The following WDR70 variants were observed in gnomAD, a reference collection of about 807,000 sequenced individuals.
WDR70 encodes WD repeat domain 70, also known as WD repeat-containing protein 70.
A neutral mutation model predicts 88.6 loss-of-function variants in WDR70; 53 were observed. That is an observed-to-expected ratio of 0.60 (90% CI 0.48 to 0.75). WDR70 has a LOEUF of 0.75. Among genes scored for constraint, WDR70 ranks in the 30% least tolerant of loss-of-function variants. WDR70 has a pLI of 0.00. For missense variants in WDR70, 610 were observed against 823.2 expected (o/e 0.74, Z 3.17); for synonymous variants, 280 against 270.0 (o/e 1.04, Z -0.36).
intron 7 of WDR70, among the ~76,000 whole-genome samples, chr5:37,454,367 T>G (rs1243043675): frequency 2.3e-4 from 35 of 152,210 alleles, no homozygotes; most frequent in Admixed American, 2.3e-3. Flanking sequence ...ATAGTGAGTT[T>G]TATTGCATCT....
intron 9 of WDR70, among the ~76,000 whole-genome samples, chr5:37,574,125 C>T (rs980399289): frequency 1.3e-5 from 2 of 152,170 alleles, no homozygotes; most frequent in Non-Finnish European, 2.9e-5. Context: ...GACCATAATG[C>T]AGATCTAACA....
At position 37,558,827 on chromosome 5, in the gene WDR70, C is replaced by T. The variant is rs1273761484; in HGVS notation, c.917+42237C>T. ...AGTTAGTAAGCCTAGTTTTGTTGTC[C>T]TTTTCTTACTTATTCCCATCCTTAC... is the stretch of plus-strand genomic sequence containing the variant. On this transcript the variant is annotated intron_variant, in intron 9 of 17. Transcript: ENST00000265107. Among the ~76,000 whole-genome samples, 5 of 151,978 alleles carry T rather than the reference C, an allele frequency of 3.3e-5. No individual in the cohort carries two copies. The East Asian group carries it at 9.6e-4, about 29-fold the overall frequency.
intron 10 of WDR70, among the ~76,000 whole-genome samples, chr5:37,616,327 C>T (rs1484443934): frequency 2.6e-5 from 4 of 152,042 alleles, no homozygotes; most frequent in African/African-American, 7.2e-5. Context: ...AGGCTGGTCT[C>T]GAACTCCTGA....
At chr5:37,666,486 C>T (rs890213394) in intron 10 of WDR70, among the ~76,000 whole-genome samples, 1 of 152,164 alleles carries the variant, frequency 6.6e-6, no homozygotes, top group East Asian at 1.9e-4. Context: ...TAGCTATGGC[C>T]TGAGATTGGG....
chr5:37,646,713 T>G (rs549513649), intron 10 of WDR70, among the ~76,000 whole-genome samples: 1 of 152,312 alleles, frequency 6.6e-6, no homozygotes, highest in South Asian at 2.1e-4. Context: ...GAGTTTCCAC[T>G]GAAAAGTCTG....
chr5:37,621,208 A>T (rs1744496243), intron 10 of WDR70, among the ~76,000 whole-genome samples: 1 of 152,110 alleles, frequency 6.6e-6, no homozygotes, highest in African/African-American at 2.4e-5. Flanking sequence ...AAATTCACTT[A>T]TTTGCATACT....
At chr5:37,688,622 G>A (rs929264653) in intron 10 of WDR70, among the ~76,000 whole-genome samples, 2 of 151,304 alleles carry the variant, frequency 1.3e-5, no homozygotes, top group Non-Finnish European at 2.9e-5. Context: ...TATTGAGGTT[G>A]GTAGCAGAGT....
intron 10 of WDR70, among the ~76,000 whole-genome samples, chr5:37,641,598 G>A (rs1013742690): frequency 2.0e-5 from 3 of 151,576 alleles, no homozygotes; most frequent in African/African-American, 7.3e-5. Context: ...TGTATTTTTA[G>A]TAGAGATGGG....
chr5:37,731,337 A>C (rs1381283455), intron 17 of WDR70, among the ~76,000 whole-genome samples: 1 of 152,188 alleles, frequency 6.6e-6, no homozygotes, highest in Non-Finnish European at 1.5e-5. Context: ...TGTAATGTCA[A>C]TGTGGTTGTT....
chr5:37,751,082 T>C (rs1247343867), intron 17 of WDR70, among the ~76,000 whole-genome samples: 1 of 152,202 alleles, frequency 6.6e-6, no homozygotes, highest in African/African-American at 2.4e-5. Flanking sequence ...TTTTTCCCCC[T>C]GAGAAGTTAA....
In WDR70 at chr5:37,638,765, G is replaced by T. The variant is rs888933361; in HGVS notation, c.1092+33527G>T. On this transcript the variant is annotated intron_variant, in intron 10 of 17. Transcript: ENST00000265107. ...ATATTACTGAATTAACTCTGTTATT[G>T]ACAGTTACTGGGATCTGTACATCAT... 5.3e-5 allele frequency among the ~76,000 whole-genome samples: 8 copies of T among 152,226 alleles called. No individual in the cohort carries two copies. The East Asian group carries it at 1.3e-3, about 26-fold the overall frequency.
intron 9 of WDR70, among the ~76,000 whole-genome samples, chr5:37,539,521 T>C (rs545057378): frequency 7.2e-5 from 11 of 152,356 alleles, no homozygotes; most frequent in South Asian, 2.1e-4. Context: ...CTTGGACTTC[T>C]AGTCCCCAAA....
intron 9 of WDR70, among the ~76,000 whole-genome samples, chr5:37,519,268 G>A (rs541895998): frequency 8.8e-4 from 134 of 151,980 alleles, no homozygotes; most frequent in Middle Eastern, 6.8e-3. Flanking sequence ...CTTCCCAGAC[G>A]GGGTGGCTGG....
chr5:37,620,634 G>A (rs961834563), intron 10 of WDR70, among the ~76,000 whole-genome samples: 3 of 151,826 alleles, frequency 2.0e-5, no homozygotes, highest in Admixed American at 6.6e-5. Context: ...TTTGTATCCC[G>A]ATTTGTTCCG....
chr5:37,408,560 G>A (rs905235324), intron 5 of WDR70, among the ~76,000 whole-genome samples: 2 of 152,132 alleles, frequency 1.3e-5, no homozygotes, highest in African/African-American at 2.4e-5. Context: ...CTTGAGAAGT[G>A]TAATAGTTTT....
intron 17 of WDR70, among the ~76,000 whole-genome samples, chr5:37,744,598 A>C (rs1424206510): frequency 6.6e-6 from 1 of 152,006 alleles, no homozygotes; most frequent in Non-Finnish European, 1.5e-5. Context: ...AAATGACCTG[A>C]TGGAGCTGAA....
intron 5 of WDR70, among the ~76,000 whole-genome samples, chr5:37,411,158 G>T (rs1466147223): frequency 6.8e-6 from 1 of 146,716 alleles, no homozygotes; most frequent in African/African-American, 2.4e-5. Flanking sequence ...ATAAGGTCTT[G>T]CTGTGTTGCT....
intron 17 of WDR70, among the ~76,000 whole-genome samples, chr5:37,749,584 G>GTA (rs1748741762): frequency 6.6e-6 from 1 of 152,064 alleles, no homozygotes; most frequent in Admixed American, 6.5e-5. Context: ...TTATGCATAC[G>GTA]TATAATGTGG....
intron 10 of WDR70, among the ~76,000 whole-genome samples, chr5:37,692,878 A>C (rs1318335882): frequency 7.1e-6 from 1 of 140,638 alleles, no homozygotes; most frequent in Non-Finnish European, 1.6e-5. Flanking sequence ...GCAATCAGGC[A>C]AGAGAAAGAA....
Sources: gnomAD v4.1 joint callset for allele counts (sites outside exome capture counted in the v4.1 genomes callset) on GRCh38, gnomAD v4.1.1 for gene constraint, MANE v1.5 for transcripts, NCBI Gene and HGNC (gene_info 2026-07-23, HGNC 2026-07-21) for gene names.